PNCK: variants seen among roughly 807,000 people sequenced by gnomAD.
PNCK encodes the protein pregnancy up-regulated nonubiquitous CaM kinase.
In PNCK, 21 loss-of-function variants were observed where a neutral mutation model predicts 28.3. The ratio of observed to expected loss-of-function variants is 0.74; its 90% CI spans 0.53 to 1.07. The LOEUF (loss-of-function observed/expected upper bound fraction) is 1.07. Ranked by LOEUF, PNCK falls within the 50% of genes least tolerant of loss-of-function variation. The pLI is 0.00. For synonymous variants in PNCK, 136 were observed against 125.2 expected, an observed-to-expected ratio of 1.09 and a Z score of -0.58; for missense variants, 250 against 298.3, an observed-to-expected ratio of 0.84 and a Z score of 1.19.
chrX:153,684,295 C>T (rs2091407624), intron 1 of PNCK, among the ~76,000 whole-genome samples: 1 of 112,392 alleles, frequency 8.9e-6, no homozygotes, highest in Admixed American at 9.4e-5. Flanking sequence ...TGTAACAGAA[C>T]CGCGCTTGTA....
chrX:153,685,159 C>T (rs940350513), intron 1 of PNCK, among the ~76,000 whole-genome samples: 87 of 108,298 alleles, frequency 8.0e-4, no homozygotes, highest in Non-Finnish European at 1.2e-3. Context: ...GACAGCTACC[C>T]GGCCCTCAGC....
At chrX:153,679,570 T>C (rs10126421), upstream of PNCK, among the ~76,000 whole-genome samples, 29 of 86,883 alleles carry the variant, frequency 3.3e-4, no homozygotes, top group Non-Finnish European at 5.3e-4. Flanking sequence ...TCTTTTCTTT[T>C]TTTTTTTTTT....
chrX:153,680,013 C>A (rs1455808308), intron 1 of PNCK, among the ~76,000 whole-genome samples: 3 of 110,898 alleles, frequency 2.7e-5, no homozygotes, highest in Non-Finnish European at 5.7e-5. Flanking sequence ...GATCATGCCA[C>A]TGCACTCCAC....
chrX:153,674,292 C>T, upstream of PNCK: 1 of 974,603 alleles, frequency 1.0e-6, no homozygotes, highest in Non-Finnish European at 1.4e-6. Context: ...TCTTCTCTAC[C>T]CAGCAGCCAG....
rs1484916192 is a variant in PNCK, at chrX:153,669,766, CT to C, written c.*371del. The C allele has an allele frequency of 2.9e-6, 1 of 341,383 alleles. No individual in the cohort carries two copies. The highest frequency in any genetic ancestry group is 5.9e-6 in the Non-Finnish European group (1 of 169,972). 28.1% of individuals were successfully genotyped at this position (341,383 alleles called of 1,213,427 possible). A position where few individuals can be genotyped will look rare whatever the true frequency, so the allele number is the denominator to read the frequency against. Reference sequence around the variant, plus strand: ...TCTTTCTTTATTGGTTTGGGGAAAACTGGAGGGGGCTGGAAGGCCATGACCA... The same window carrying C: ...TCTTTCTTTATTGGTTTGGGGAAAACGGAGGGGGCTGGAAGGCCATGACCA... On this transcript the variant is annotated 3_prime_UTR_variant, in exon 12 of 12. Transcript: ENST00000340888.
In PNCK at chrX:153,670,434, G is replaced by A. The variant is rs782126724; in HGVS notation, c.*7+16C>T. ...AGGAGCCAGCTCCTGGGCGTGCAGG[G>A]TCCACCCAAACACACCTGGGCATCA... On this transcript the variant is annotated intron_variant, in intron 11 of 11. Transcript: ENST00000340888. The A allele has an allele frequency of 8.3e-6, 10 of 1,210,016 alleles. No individual in the cohort carries two copies. Among genetic ancestry groups the A allele is most frequent in the Non-Finnish European group, 1.1e-5 (10 of 895,136 alleles).
chrX:153,671,592 A>C lies in PNCK; in HGVS notation c.495T>G (p.Ala165=), dbSNP rs1396288940. The change falls in exon 6 of 12, where the codon GCT becomes GCG. Residue 165 remains alanine (A), a synonymous_variant. Transcript: ENST00000340888. ...VSDFGLSKIQ[A]GNMLGTACGT... The stretch of plus-strand genomic sequence containing the variant: ...CACAGGCGGTGCCTAGCATGTTCCC[A>C]GCCTGGATTTTGGAGAGTCCAAAGT... 8.3e-7 allele frequency: 1 copy of C among 1,209,743 alleles called. No individual in the cohort carries two copies. Among genetic ancestry groups the C allele is most frequent in the African/African-American group, 1.7e-5 (1 of 57,248 alleles).
At chrX:153,671,250 C>T in intron 7 of PNCK, 35 bp downstream of exon 7, 2 of 1,208,388 alleles carry the variant, frequency 1.7e-6, no homozygotes, top group Admixed American at 2.2e-5. Context: ...CAGGGGCAGG[C>T]AGGCAGGAGA....
chrX:153,669,940 C>A lies in PNCK; in HGVS notation c.*198G>T. The A allele has an allele frequency of 3.0e-6, 1 of 338,442 alleles. No homozygotes were observed. Among genetic ancestry groups the A allele is most frequent in the South Asian group, 2.6e-5 (1 of 37,914 alleles). 27.9% of individuals were successfully genotyped at this position (338,442 alleles called of 1,213,427 possible). ...GAGAGGCAACAGGGGAGGGGAGCCA[C>A]TGCCCCCAGGCAGGGCAGAGCCTGG... On this transcript the variant is annotated 3_prime_UTR_variant, in exon 12 of 12. Coordinates refer to ENST00000340888, the MANE Select transcript of PNCK (RefSeq NM_001366977.1).
intron 7 of PNCK, 22 bp from the exon 8 acceptor site, chrX:153,671,212 T>C: frequency 8.3e-7 from 1 of 1,210,499 alleles, no homozygotes; most frequent in Non-Finnish European, 1.1e-6. Context: ...AGATGAATCA[T>C]CCAGCTGTCC....
upstream of PNCK, among the ~76,000 whole-genome samples, chrX:153,679,414 A>G (rs894741072): frequency 4.6e-5 from 5 of 108,151 alleles, no homozygotes; most frequent in Non-Finnish European, 9.6e-5. Flanking sequence ...TTAATTTGCA[A>G]TTCCCTAAAG....
chrX:153,670,546 G>GC lies in PNCK; in HGVS notation c.942dup (p.Gln315AlafsTer10). 8.3e-7 allele frequency: 1 copy of GC among 1,210,949 alleles called. No homozygotes were observed. Among genetic ancestry groups the GC allele is most frequent in the Non-Finnish European group, 1.1e-6 (1 of 895,292 alleles). On this transcript the variant is annotated frameshift_variant, in exon 11 of 12. Coordinates refer to ENST00000340888, the MANE Select transcript of PNCK (RefSeq NM_001366977.1). LOFTEE classifies it high-confidence loss of function. ...GAGGCCCCCTCGCCCTCTGGGATCT[G>GC]CCCCAGCTTCCGGATGTGGCGCAGG...
chrX:153,679,566 C>CTTTTCTTT (rs1234242873), upstream of PNCK, among the ~76,000 whole-genome samples: 3 of 46,073 alleles, frequency 6.5e-5, no homozygotes, highest in African/African-American at 9.2e-5. Flanking sequence ...CTTTTCTTTT[C>CTTTTCTTT]TTTTTTTTTT....
rs1345807750 is a variant in PNCK, at chrX:153,672,646, G to C, written c.120C>G (p.Leu40=). The stretch of plus-strand genomic sequence containing the variant: ...TCTTGGGGATGCACTTGAGGGCCAC[G>C]AGGTGTGCGGAGCCCCGCTCCTGGG... ...VLAQERGSAH[L]VALKCIPKKA... is the part of the protein sequence containing the mutation. The change falls in exon 3 of 12, where the codon CTC becomes CTG. Residue 40 remains leucine, a synonymous_variant. Transcript: ENST00000340888. 5 of 1,204,941 alleles carry C rather than the reference G, an allele frequency of 4.1e-6. No homozygotes were observed. Among genetic ancestry groups the C allele is most frequent in the East Asian group, 3.0e-5 (1 of 33,728 alleles).
intron 1 of PNCK, among the ~76,000 whole-genome samples, chrX:153,685,023 G>A (rs1409992480): frequency 2.0e-5 from 2 of 101,529 alleles, no homozygotes; most frequent in Non-Finnish European, 4.0e-5. Flanking sequence ...CACCATAGGA[G>A]CTCTGGGCTG....
At position 153,669,987 on chromosome X, in the gene PNCK, A is replaced by T. The variant is rs1233648568; in HGVS notation, c.*151T>A. The T allele has an allele frequency of 3.2e-6, 1 of 309,535 alleles. No individual in the cohort carries two copies. The highest frequency in any genetic ancestry group is 6.4e-6 in the Non-Finnish European group (1 of 155,784). 25.5% of individuals were successfully genotyped at this position (309,535 alleles called of 1,213,427 possible). On this transcript the variant is annotated 3_prime_UTR_variant, in exon 12 of 12. Coordinates refer to ENST00000340888, the MANE Select transcript of PNCK (RefSeq NM_001366977.1). ...CTGGGGACAGACTTGGGGGTGCCCCATTCCAACCCCAGCGCCATGCGCCAC... is the reference window on the plus strand; with the variant it reads ...CTGGGGACAGACTTGGGGGTGCCCCTTTCCAACCCCAGCGCCATGCGCCAC...
At chrX:153,682,209 T>A (rs5987130) in intron 1 of PNCK, among the ~76,000 whole-genome samples, 9,157 of 110,685 alleles carry the variant, frequency 0.083, 946 homozygotes, top group African/African-American at 0.29. Context: ...GGCTGGTCTC[T>A]AACTCCTGAC....
chrX:153,672,987 A>C, intron 2 of PNCK, 22 bp downstream of exon 2: 1 of 1,162,484 alleles, frequency 8.6e-7, no homozygotes, highest in Non-Finnish European at 1.2e-6. Context: ...ACACACGATC[A>C]CACACGCGCG....
At chrX:153,687,104 C>G in intron 1 of PNCK, 1 of 143,235 alleles carries the variant, frequency 7.0e-6, no homozygotes, top group Admixed American at 8.0e-5. Context: ...GAGAGGCAGC[C>G]CAACAAGCTG....
Sources: allele counts gnomAD v4.1 joint callset (sites outside exome capture counted in the v4.1 genomes callset), GRCh38; gene constraint gnomAD v4.1.1; transcripts MANE v1.5; gene names NCBI Gene and HGNC (gene_info 2026-07-23, HGNC 2026-07-21).